Variants in SEMA5A observed in about 807,000 individuals in gnomAD.
SEMA5A encodes the protein semaphorin-5A.
In SEMA5A, 55 loss-of-function variants were observed where a neutral mutation model predicts 135.5. The observed-to-expected ratio is 0.41, with a 90% CI of 0.33 to 0.51. The LOEUF (loss-of-function observed/expected upper bound fraction) is 0.51. SEMA5A is among the 20% of genes least tolerant of loss of function. SEMA5A has a pLI of 0.37. For synonymous variants in SEMA5A, 580 were observed against 546.5 expected, an observed-to-expected ratio of 1.06 and a Z score of -0.85; for missense variants, 1,290 against 1,419.9, an observed-to-expected ratio of 0.91 and a Z score of 1.47.
chr5:9,310,743 C>T (rs938290293), intron 5 of SEMA5A, among the ~76,000 whole-genome samples: 3 of 150,230 alleles, frequency 2.0e-5, no homozygotes, highest in Non-Finnish European at 4.4e-5. Context: ...AATTTAAACA[C>T]AAGAATCCCA....
intron 2 of SEMA5A, among the ~76,000 whole-genome samples, chr5:9,411,078 A>G (rs1757092047): frequency 1.3e-5 from 2 of 152,112 alleles, no homozygotes; most frequent in African/African-American, 2.4e-5. Flanking sequence ...AGATTATAGC[A>G]CCACTCCAAA....
chr5:9,272,436 T>G (rs1383121893), intron 5 of SEMA5A, among the ~76,000 whole-genome samples: 1 of 152,088 alleles, frequency 6.6e-6, no homozygotes, highest in African/African-American at 2.4e-5. Context: ...TTGGCAGAGC[T>G]TCAGCAGGCT....
At chr5:9,155,203 TC>T (rs1391456664) in intron 11 of SEMA5A, among the ~76,000 whole-genome samples, 2 of 152,092 alleles carry the variant, frequency 1.3e-5, no homozygotes, top group African/African-American at 2.4e-5. Flanking sequence ...TCTCCCTCTC[TC>T]CTCTGTCTAC....
At chr5:9,440,410 A>G (rs557608883) in intron 1 of SEMA5A, among the ~76,000 whole-genome samples, 4 of 152,226 alleles carry the variant, frequency 2.6e-5, no homozygotes, top group Non-Finnish European at 5.9e-5. Flanking sequence ...ATAAACATAT[A>G]AATTTCTCTA....
intron 5 of SEMA5A, among the ~76,000 whole-genome samples, chr5:9,299,594 C>T (rs1751510590): frequency 6.6e-6 from 1 of 152,162 alleles, no homozygotes; most frequent in African/African-American, 2.4e-5. Context: ...TGACCCAAGT[C>T]AACCTTGCCA....
intron 5 of SEMA5A, among the ~76,000 whole-genome samples, chr5:9,317,341 A>T (rs1301340031): frequency 1.3e-5 from 2 of 152,146 alleles, no homozygotes; most frequent in Non-Finnish European, 1.5e-5. Flanking sequence ...ATTTTTCGCC[A>T]TGCTAGTATG....
intron 16 of SEMA5A, among the ~76,000 whole-genome samples, chr5:9,088,637 A>ATATATATATATATATATATATATAT (rs1738846706): frequency 2.3e-4 from 25 of 107,958 alleles, no homozygotes; most frequent in African/African-American, 9.8e-4. Flanking sequence ...CTACATTTAT[A>ATATATATATATATATATATATATAT]ATATATATAT....
intron 2 of SEMA5A, among the ~76,000 whole-genome samples, chr5:9,382,669 A>T (rs1755667068): frequency 6.6e-6 from 1 of 152,224 alleles, no homozygotes; most frequent in Non-Finnish European, 1.5e-5. Context: ...CTGAGTTTAG[A>T]GTCTCTCACC....
At position 9,469,713 on chromosome 5, in the gene SEMA5A, T is replaced by A. The variant is rs977334147; in HGVS notation, c.-174-31861A>T. ...GAATGTTTTTGTTCATGATTTTTTT[T>A]AATCTTCTTCTTCCAAATTATAAAT... is the stretch of plus-strand genomic sequence containing the variant. On this transcript the variant is annotated intron_variant, in intron 1 of 22. Transcript: ENST00000382496. Among the ~76,000 whole-genome samples, 3 of 152,228 alleles carry A rather than the reference T, an allele frequency of 2.0e-5. No individual in the cohort carries two copies. In the East Asian group the frequency reaches 5.8e-4, roughly 29 times the overall value.
intron 12 of SEMA5A, 27 bp from the exon 13 acceptor site, chr5:9,136,648 A>C (rs368244994): frequency 6.3e-7 from 1 of 1,580,844 alleles, no homozygotes; most frequent in African/African-American, 1.3e-5. Flanking sequence ...AATGGTCAAC[A>C]GAAAGGTCGC....
At chr5:9,138,554 A>G (rs1741889760) in intron 12 of SEMA5A, among the ~76,000 whole-genome samples, 1 of 152,184 alleles carries the variant, frequency 6.6e-6, no homozygotes, top group Non-Finnish European at 1.5e-5. Flanking sequence ...CATTTCTTTG[A>G]TGAACCAACA....
At chr5:9,292,903 A>G (rs1751154965) in intron 5 of SEMA5A, among the ~76,000 whole-genome samples, 1 of 152,176 alleles carries the variant, frequency 6.6e-6, no homozygotes, top group African/African-American at 2.4e-5. Context: ...GCTGTTAAAC[A>G]TCCTACACTG....
At chr5:9,158,258 C>T (rs1387304009) in intron 11 of SEMA5A, among the ~76,000 whole-genome samples, 1 of 152,054 alleles carries the variant, frequency 6.6e-6, no homozygotes, top group African/African-American at 2.4e-5. Context: ...GAAGGTGAAA[C>T]AACAAACATG....
At chr5:9,233,251 G>A (rs915725671) in intron 6 of SEMA5A, among the ~76,000 whole-genome samples, 2 of 152,192 alleles carry the variant, frequency 1.3e-5, no homozygotes, top group South Asian at 2.1e-4. Flanking sequence ...TGTCAGAGTG[G>A]GAGGAACGTC....
chr5:9,076,475 T>G (rs1738065547), intron 16 of SEMA5A, among the ~76,000 whole-genome samples: 1 of 151,180 alleles, frequency 6.6e-6, no homozygotes. Flanking sequence ...ATAGAAGGAG[T>G]AAATTCAGTA....
chr5:9,537,854 G>A (rs973881032), intron 1 of SEMA5A, among the ~76,000 whole-genome samples: 1 of 152,238 alleles, frequency 6.6e-6, no homozygotes, highest in African/African-American at 2.4e-5. Flanking sequence ...TACCAGTGGA[G>A]AAATGCATAT....
At position 9,303,861 on chromosome 5, in the gene SEMA5A, T is replaced by C. The variant is rs191145217; in HGVS notation, c.270+14511A>G. Among the ~76,000 whole-genome samples, 230 of 152,330 alleles carry C rather than the reference T, an allele frequency of 1.5e-3. 4 individuals are homozygous for C. Among genetic ancestry groups the C allele is most frequent in the Admixed American group, 0.012 (182 of 15,308 alleles). ...TAAAATATTTTAAAAATAACATATT[T>C]TGAAATTTGAGCTTGCTTTTAGCAT... On this transcript the variant is annotated intron_variant, in intron 5 of 22. Coordinates refer to ENST00000382496, the MANE Select transcript of SEMA5A (RefSeq NM_003966.3).
intron 1 of SEMA5A, among the ~76,000 whole-genome samples, chr5:9,511,086 A>G (rs1203898490): frequency 6.6e-6 from 1 of 152,192 alleles, no homozygotes; most frequent in Non-Finnish European, 1.5e-5. Context: ...TCCAGTAGTC[A>G]TTAATGGCTC....
At chr5:9,072,851 A>G (rs904853800) in intron 16 of SEMA5A, among the ~76,000 whole-genome samples, 3 of 152,200 alleles carry the variant, frequency 2.0e-5, no homozygotes, top group African/African-American at 7.2e-5. Context: ...CCGGATATGG[A>G]AAGAGGCCAA....
Sources: gnomAD v4.1 joint callset for allele counts (sites outside exome capture counted in the v4.1 genomes callset) on GRCh38, gnomAD v4.1.1 for gene constraint, MANE v1.5 for transcripts, NCBI Gene and HGNC (gene_info 2026-07-23, HGNC 2026-07-21) for gene names.